PRKCH: variants seen among roughly 807,000 people sequenced by gnomAD.
PRKCH encodes protein kinase C eta type.
A neutral mutation model predicts 82.5 loss-of-function variants in PRKCH; 28 were observed. The ratio of observed to expected loss-of-function variants is 0.34; its 90% CI spans 0.25 to 0.47. PRKCH has a LOEUF of 0.47. PRKCH is among the 20% of genes least tolerant of loss of function. The probability of loss-of-function intolerance (pLI) is 1.00; values close to 1 mark genes in which losing one functional copy is unlikely to be tolerated. For missense variants in PRKCH, 705 were observed against 881.8 expected (o/e 0.80, Z 2.54); for synonymous variants, 322 against 327.4 (o/e 0.98, Z 0.18).
rs142419576 is a variant in PRKCH at position 61,547,472 on chromosome 14, G to A, written c.1762-271G>A. Among the ~76,000 whole-genome samples the A allele has an allele frequency of 2.4e-3, 360 of 152,248 alleles. 5 individuals are homozygous for A. The East Asian group carries it at 0.035, about 15-fold the overall frequency. ...TAAAGAGGAAAGAAAAATACATGGTGTTTACAGAAAAGAAAACTGGACCCT... is the reference window on the plus strand; with the variant it reads ...TAAAGAGGAAAGAAAAATACATGGTATTTACAGAAAAGAAAACTGGACCCT... On this transcript the variant is annotated intron_variant, in intron 12 of 13. Transcript: ENST00000332981.
At chr14:61,306,177 T>G (rs2045484327) in intron 1 of PRKCH, 1 of 152,202 alleles carries the variant, frequency 6.6e-6, no homozygotes, top group South Asian at 2.1e-4. Context: ...CTTAGTAAGG[T>G]CTCTCCATTT....
intron 1 of PRKCH, among the ~76,000 whole-genome samples, chr14:61,207,762 A>G (rs2044538947): frequency 6.6e-6 from 1 of 152,226 alleles, no homozygotes; most frequent in Non-Finnish European, 1.5e-5. Context: ...CAATACAGAT[A>G]AGGAAGGTGA....
intron 12 of PRKCH, among the ~76,000 whole-genome samples, chr14:61,542,927 C>A (rs141139205): frequency 2.6e-5 from 4 of 152,272 alleles, no homozygotes; most frequent in Non-Finnish European, 5.9e-5. Flanking sequence ...TTATGCCAGG[C>A]GCTTTACGTT....
At chr14:61,408,034 G>A (rs973253446) in intron 2 of PRKCH, among the ~76,000 whole-genome samples, 2 of 152,178 alleles carry the variant, frequency 1.3e-5, no homozygotes, top group East Asian at 1.9e-4. Flanking sequence ...TCCTGAATCT[G>A]AGCATTTGTC....
In PRKCH at chr14:61,322,095, C is replaced by T. The variant is rs2045632753; in HGVS notation, c.-7C>T. 8 of 1,537,170 alleles carry T rather than the reference C, an allele frequency of 5.2e-6. No homozygotes were observed. Among genetic ancestry groups the T allele is most frequent in the Non-Finnish European group, 7.0e-6 (8 of 1,136,342 alleles). On this transcript the variant is annotated 5_prime_UTR_variant, in exon 1 of 14. Coordinates refer to ENST00000332981, the MANE Select transcript of PRKCH (RefSeq NM_006255.5). ...CGGCCCCCCGGGGCCGGGGCAGCGG[C>T]GCCGGCATGTCGTCTGGCACCATGA...
intron 11 of PRKCH, 40 bp from the exon 12 acceptor site, chr14:61,530,367 G>A (rs1173297032): frequency 2.7e-6 from 4 of 1,459,622 alleles, no homozygotes; most frequent in Non-Finnish European, 2.7e-6. Flanking sequence ...TTGTTAATCT[G>A]ATGTATGAAC....
intron 1 of PRKCH, among the ~76,000 whole-genome samples, chr14:61,292,311 CAA>C (rs758667290): frequency 1.1e-4 from 10 of 91,860 alleles, no homozygotes; most frequent in Admixed American, 7.8e-4. Context: ...CCTGTCTCTA[CAA>C]AAAAAAAAAA....
intron 1 of PRKCH, among the ~76,000 whole-genome samples, chr14:61,296,583 C>T (rs1236664587): frequency 6.6e-6 from 1 of 152,182 alleles, no homozygotes; most frequent in Non-Finnish European, 1.5e-5. Context: ...CCATAATCTC[C>T]TCTGTCTTGA....
intron 1 of PRKCH, among the ~76,000 whole-genome samples, chr14:61,204,790 A>AATAGAGGT (rs375461697): frequency 0.033 from 5,051 of 151,322 alleles, 258 homozygotes; most frequent in African/African-American, 0.1. Context: ...AAAAGAAATA[A>AATAGAGGT]ATAGAGGTAT....
At chr14:61,313,592 A>G (rs2045540878) in intron 1 of PRKCH, among the ~76,000 whole-genome samples, 1 of 152,114 alleles carries the variant, frequency 6.6e-6, no homozygotes, top group Non-Finnish European at 1.5e-5. Context: ...CATGCTGTTG[A>G]TAAAGACATA....
At chr14:61,225,785 C>A (rs948433215) in intron 1 of PRKCH, among the ~76,000 whole-genome samples, 2 of 151,106 alleles carry the variant, frequency 1.3e-5, no homozygotes, top group African/African-American at 4.9e-5. Flanking sequence ...GTTGTGCAGG[C>A]TGGAGTGCAG....
At position 61,547,893 on chromosome 14, in the gene PRKCH, G is replaced by A. The variant is rs770135770; in HGVS notation, c.1905+7G>A. ...GCCTTTCAGACCCAGAATCGTAAGT[G>A]TCCCAGGCTGTCACAGAGACATTCC... On this transcript the variant is annotated splice_region_variant and intron_variant, in intron 13 of 13. Transcript: ENST00000332981. 2.5e-6 allele frequency: 4 copies of A among 1,612,240 alleles called. No homozygotes were observed. The highest frequency in any genetic ancestry group is 3.3e-4 in the Middle Eastern group (2 of 6,056).
chr14:61,415,066 A>G (rs530043069), intron 2 of PRKCH, among the ~76,000 whole-genome samples: 1 of 152,058 alleles, frequency 6.6e-6, no homozygotes, highest in African/African-American at 2.4e-5. Context: ...CTGTCTTTCA[A>G]ACTCCTCTGG....
At position 61,369,840 on chromosome 14, in the gene PRKCH, AAAC is replaced by A. The variant is rs1442220607; in HGVS notation, c.364-21383_364-21381del. Among the ~76,000 whole-genome samples, 12 of 152,144 alleles carry A rather than the reference AAAC, an allele frequency of 7.9e-5. 1 individual carries two copies. Among genetic ancestry groups the A allele is most frequent in the African/African-American group, 2.9e-4 (12 of 41,368 alleles). ...AAAGTGACAGAAAGTTCTTGGTAAAAAACAGAACTTTATTTTTAAACTATTGAT... is the reference window on the plus strand; with the variant it reads ...AAAGTGACAGAAAGTTCTTGGTAAAAAGAACTTTATTTTTAAACTATTGAT... On this transcript the variant is annotated intron_variant, in intron 1 of 13. Transcript: ENST00000332981.
At chr14:61,484,886 AT>A (rs918125579) in intron 9 of PRKCH, among the ~76,000 whole-genome samples, 7 of 146,642 alleles carry the variant, frequency 4.8e-5, no homozygotes, top group South Asian at 2.2e-4. Context: ...CTCCTGCCTA[AT>A]TTTTTTTTTA....
intron 10 of PRKCH, among the ~76,000 whole-genome samples, chr14:61,516,088 A>C (rs2042824492): frequency 6.6e-6 from 1 of 152,174 alleles, no homozygotes; most frequent in Admixed American, 6.5e-5. Flanking sequence ...CTGTGCCCGT[A>C]GCCTCACAAT....
intron 12 of PRKCH, among the ~76,000 whole-genome samples, chr14:61,534,804 C>G (rs1272730280): frequency 1.3e-5 from 2 of 152,120 alleles, no homozygotes; most frequent in Non-Finnish European, 2.9e-5. Flanking sequence ...GATTTTCAGT[C>G]TATAAAGGTG....
intron 1 of PRKCH, among the ~76,000 whole-genome samples, chr14:61,388,439 C>T (rs1300276320): frequency 1.3e-5 from 2 of 152,148 alleles, no homozygotes; most frequent in African/African-American, 2.4e-5. Flanking sequence ...TAGCTCCTGA[C>T]CCATCTTGGG....
chr14:61,529,451 C>G (rs1043887373), intron 11 of PRKCH, among the ~76,000 whole-genome samples: 4 of 152,120 alleles, frequency 2.6e-5, no homozygotes, highest in Non-Finnish European at 4.4e-5. Flanking sequence ...AAGACACATG[C>G]ACACGTATGT....
Sources: gnomAD v4.1 joint callset for allele counts (sites outside exome capture counted in the v4.1 genomes callset) on GRCh38, gnomAD v4.1.1 for gene constraint, MANE v1.5 for transcripts, NCBI Gene and HGNC (gene_info 2026-07-23, HGNC 2026-07-21) for gene names.